C7orf57: variants seen among roughly 807,000 people sequenced by gnomAD.
The protein encoded by C7orf57 is uncharacterized protein C7orf57.
C7orf57 carries 33 observed loss-of-function variants against 39.0 expected under a neutral mutation model. The observed-to-expected ratio is 0.85, with a 90% confidence interval of 0.64 to 1.13. The LOEUF (loss-of-function observed/expected upper bound fraction) is 1.13, where lower values mean the gene tolerates loss of function less well. C7orf57 is among the 50% of genes most tolerant of loss of function. The pLI is 0.00. For missense variants in C7orf57, 346 were observed against 362.3 expected, an observed-to-expected ratio of 0.95 and a Z score of 0.37; for synonymous variants, 124 against 137.1, an observed-to-expected ratio of 0.90 and a Z score of 0.67.
chr7:48,036,105 G>A, intron 1 of C7orf57, 103 bp from the exon 2 acceptor site: 2 of 646,424 alleles, frequency 3.1e-6, no homozygotes. Flanking sequence ...TGTATACCCT[G>A]CATGGAAGTG....
chr7:48,046,682 G>T, intron 5 of C7orf57, 66 bp downstream of exon 5: 1 of 1,519,298 alleles, frequency 6.6e-7, no homozygotes, highest in Non-Finnish European at 8.9e-7. Context: ...GAGTAATTAA[G>T]TGCTGTGATG....
At chr7:48,054,845 A>T (rs13225838) in intron 8 of C7orf57, among the ~76,000 whole-genome samples, 1 of 149,924 alleles carries the variant, frequency 6.7e-6, no homozygotes, top group South Asian at 2.1e-4. Flanking sequence ...AACAGGATGA[A>T]GATGATGATG....
In C7orf57 at chr7:48,041,574, C is replaced by T. The variant is rs936434394; in HGVS notation, c.241+55C>T. ...GCAGCCTCGCGGGCGGTGAGGGGGG[C>T]GTTTGTTCCTAATTTCTTCCATATA... On this transcript the variant is annotated intron_variant, in intron 3 of 8. Transcript: ENST00000348904. 6.7e-5 allele frequency: 91 copies of T among 1,353,938 alleles called. No homozygotes were observed. The Admixed American group carries it at 7.6e-4, about 11-fold the overall frequency. 83.9% of individuals were successfully genotyped at this position (1,353,938 alleles called of 1,614,324 possible). A position where few individuals can be genotyped will look rare whatever the true frequency, so the allele number is the denominator to read the frequency against.
At chr7:48,044,561 C>T (rs955747583) in intron 4 of C7orf57, among the ~76,000 whole-genome samples, 8 of 152,156 alleles carry the variant, frequency 5.3e-5, no homozygotes, top group East Asian at 1.9e-4. Context: ...AAGGTGGGTG[C>T]GGTCGCCTTC....
intron 3 of C7orf57, among the ~76,000 whole-genome samples, chr7:48,042,267 A>C (rs1790572675): frequency 1.3e-5 from 2 of 152,276 alleles, no homozygotes; most frequent in Non-Finnish European, 2.9e-5. Flanking sequence ...TGTGATGCTC[A>C]GAGAACAAGA....
In C7orf57 at chr7:48,052,680, T is replaced by C; in HGVS notation, c.606-20T>C. On this transcript the variant is annotated intron_variant, in intron 6 of 8. Transcript: ENST00000348904. ...TTAACCCTTGTACTTAAGTTTCACA[T>C]TACTTTTACTCTTTTTAAGGCCTGG... is the stretch of plus-strand genomic sequence containing the variant. 2.5e-6 allele frequency: 4 copies of C among 1,602,962 alleles called. No individual in the cohort carries two copies. Among genetic ancestry groups the C allele is most frequent in the Admixed American group, 1.7e-5 (1 of 59,904 alleles).
intron 7 of C7orf57, among the ~76,000 whole-genome samples, chr7:48,054,150 C>T (rs1791041195): frequency 1.3e-5 from 2 of 152,248 alleles, no homozygotes; most frequent in Non-Finnish European, 2.9e-5. Context: ...CATGGTGGCT[C>T]ACGCCTGTAA....
intron 8 of C7orf57, among the ~76,000 whole-genome samples, chr7:48,056,815 A>C (rs777903730): frequency 2.0e-5 from 3 of 152,160 alleles, no homozygotes; most frequent in Non-Finnish European, 4.4e-5. Flanking sequence ...ATATTAAATG[A>C]GATGAAGATC....
At chr7:48,051,864 TTTCTTTCTCTTTCTC>T (rs1790948785) in intron 6 of C7orf57, among the ~76,000 whole-genome samples, 1 of 61,104 alleles carries the variant, frequency 1.6e-5, no homozygotes, top group Non-Finnish European at 3.3e-5. Context: ...TCTTTCTTTC[TTTCTTTCTCTTTCTC>T]TTTCTTTCTT....
At chr7:48,054,727 A>G in intron 8 of C7orf57, 121 bp downstream of exon 8, 3 of 765,420 alleles carry the variant, frequency 3.9e-6, no homozygotes, top group Non-Finnish European at 6.4e-6. Flanking sequence ...CCTTCTCCAA[A>G]CTGCATGCAT....
intron 8 of C7orf57, among the ~76,000 whole-genome samples, chr7:48,055,015 T>G (rs1233911664): frequency 6.6e-6 from 1 of 152,034 alleles, no homozygotes; most frequent in Non-Finnish European, 1.5e-5. Flanking sequence ...TAACTGGGAC[T>G]ACAGGCGCCC....
At position 48,041,491 on chromosome 7, in the gene C7orf57, G is replaced by A. The variant is rs752745760; in HGVS notation, c.213G>A (p.Val71=). 18 of 1,610,854 alleles carry A rather than the reference G, an allele frequency of 1.1e-5. No homozygotes were observed. The East Asian group carries it at 3.6e-4, about 32-fold the overall frequency. Residue 71 remains valine (V), a synonymous_variant, in exon 3 of 9, where the codon GTG becomes GTA. Transcript: ENST00000348904. ...TAAAAGAAACAGATTCGGAATATGT[G>A]AAGCTCGCGAAACAAGGTGGCAGGC... The part of the protein sequence containing the change: ...YWIKETDSEY[V]KLAKQGGRPD...
chr7:48,041,259 A>G, intron 2 of C7orf57, 75 bp from the exon 3 acceptor site: 1 of 1,365,982 alleles, frequency 7.3e-7, no homozygotes. Context: ...GTCTGCATAG[A>G]GATACTCTGG....
chr7:48,048,018 T>C lies in C7orf57; in HGVS notation c.507+1402T>C, dbSNP rs188152013. Among the ~76,000 whole-genome samples, 146 of 152,316 alleles carry C rather than the reference T, an allele frequency of 9.6e-4. 1 individual carries two copies. The East Asian group carries it at 0.01, about 11-fold the overall frequency. On this transcript the variant is annotated intron_variant, in intron 5 of 8. Coordinates refer to ENST00000348904, the MANE Select transcript of C7orf57 (RefSeq NM_001100159.3). Reference sequence around the variant, plus strand: ...TCTACAGAAATCTTAAAATGCTAAATGCTGTATCACTCTCAAATCAAGTGG... The same window carrying C: ...TCTACAGAAATCTTAAAATGCTAAACGCTGTATCACTCTCAAATCAAGTGG...
chr7:48,040,893 A>T (rs1790527831), intron 2 of C7orf57, among the ~76,000 whole-genome samples: 1 of 152,222 alleles, frequency 6.6e-6, no homozygotes, highest in South Asian at 2.1e-4. Flanking sequence ...CTTGGTCAAC[A>T]TTTAGTCATG....
intron 7 of C7orf57, among the ~76,000 whole-genome samples, chr7:48,054,190 A>C (rs1224123788): frequency 1.3e-5 from 2 of 152,130 alleles, no homozygotes; most frequent in African/African-American, 4.8e-5. Context: ...CGAGGCAGGC[A>C]GATTACCTGA....
intron 5 of C7orf57, 94 bp downstream of exon 5, chr7:48,046,710 C>A: frequency 7.2e-7 from 1 of 1,384,320 alleles, no homozygotes; most frequent in Non-Finnish European, 9.7e-7. Flanking sequence ...CTGGTGGCGT[C>A]TTATGTTGCT....
chr7:48,040,957 G>A (rs555879847), intron 2 of C7orf57, among the ~76,000 whole-genome samples: 114 of 152,348 alleles, frequency 7.5e-4, no homozygotes, highest in South Asian at 3.9e-3. Flanking sequence ...TTTCAGGAAT[G>A]TATATTCCCC....
At chr7:48,037,659 T>C (rs558141386) in intron 2 of C7orf57, among the ~76,000 whole-genome samples, 2 of 152,210 alleles carry the variant, frequency 1.3e-5, no homozygotes, top group South Asian at 2.1e-4. Context: ...ATATAAAAAA[T>C]CTATAGGATA....
Sources: allele counts gnomAD v4.1 joint callset (sites outside exome capture counted in the v4.1 genomes callset), GRCh38; gene constraint gnomAD v4.1.1; transcripts MANE v1.5; gene names NCBI Gene and HGNC (gene_info 2026-07-23, HGNC 2026-07-21).